HDAC9: variants seen among roughly 807,000 people sequenced by gnomAD.
The protein encoded by HDAC9 is histone deacetylase 9, also known as MEF-2 interacting transcription repressor (MITR) protein.
HDAC9 carries 41 observed loss-of-function variants against 139.4 expected under a neutral mutation model. The observed-to-expected ratio is 0.29, with a 90% confidence interval of 0.23 to 0.38. The LOEUF is 0.38. Among genes scored for constraint, HDAC9 ranks in the 10% least tolerant of loss-of-function variants. The pLI, the probability that HDAC9 is intolerant of heterozygous loss-of-function variation, is 1.00. For synonymous variants in HDAC9, 517 were observed against 476.2 expected (o/e 1.09, Z -1.12); for missense variants, 1,147 against 1,297.0 (o/e 0.88, Z 1.78).
chr7:18,643,699 T>G (rs923582970), intron 8 of HDAC9, among the ~76,000 whole-genome samples: 2 of 152,052 alleles, frequency 1.3e-5, no homozygotes, highest in Admixed American at 1.3e-4. Context: ...TATATTTACT[T>G]TAGTCAAAGC....
rs1585632402 is a variant in HDAC9 at position 18,400,566 on chromosome 7, G to A, written c.-41-95696G>A. 2.0e-5 allele frequency among the ~76,000 whole-genome samples: 3 copies of A among 152,158 alleles called. No homozygotes were observed. The South Asian group carries it at 6.2e-4, about 32-fold the overall frequency. ...GAGGATAGCCGGGAGGTATGAATGG[G>A]AACTTGAAAAGACTGGATGAGGAAG... On this transcript the variant is annotated intron_variant, in intron 1 of 3. Coordinates refer to the HDAC9 transcript ENST00000413509.
At chr7:18,859,840 A>G (rs1424115180) in intron 21 of HDAC9, among the ~76,000 whole-genome samples, 15 of 130,142 alleles carry the variant, frequency 1.2e-4, no homozygotes, top group East Asian at 1.1e-3. Context: ...ATATATATAT[A>G]TATATATATA....
intron 17 of HDAC9, among the ~76,000 whole-genome samples, chr7:18,821,462 C>T (rs558065401): frequency 1.3e-5 from 2 of 152,266 alleles, no homozygotes; most frequent in African/African-American, 4.8e-5. Flanking sequence ...TAGGCAGAGC[C>T]TTGTGGCTGC....
At chr7:18,740,698 C>T (rs914503336) in intron 13 of HDAC9, among the ~76,000 whole-genome samples, 8 of 152,166 alleles carry the variant, frequency 5.3e-5, no homozygotes, top group Non-Finnish European at 8.8e-5. Context: ...CAATCAAAAG[C>T]TAGAAATGAT....
intron 2 of HDAC9, among the ~76,000 whole-genome samples, chr7:18,200,755 G>T (rs1286244354): frequency 6.6e-6 from 1 of 152,074 alleles, no homozygotes; most frequent in Non-Finnish European, 1.5e-5. Context: ...TTTCTCAGAG[G>T]TCTCTTTCAC....
intron 12 of HDAC9, among the ~76,000 whole-genome samples, chr7:18,692,985 C>A (rs1191475388): frequency 6.6e-6 from 1 of 151,732 alleles, no homozygotes; most frequent in South Asian, 2.1e-4. Flanking sequence ...AAAGACTAAG[C>A]TATTTTTTGG....
At chr7:18,885,523 A>T (rs1013449335) in intron 22 of HDAC9, among the ~76,000 whole-genome samples, 5 of 152,128 alleles carry the variant, frequency 3.3e-5, no homozygotes, top group African/African-American at 1.2e-4. Context: ...AACCGTTTAT[A>T]TTTCTAATTT....
chr7:18,889,780 C>G (rs1483537089), intron 22 of HDAC9, among the ~76,000 whole-genome samples: 4 of 152,196 alleles, frequency 2.6e-5, no homozygotes, highest in Non-Finnish European at 5.9e-5. Flanking sequence ...TCATTGCAGC[C>G]TTTAGCTCCT....
chr7:18,375,201 G>A (rs1784896176), intron 1 of HDAC9, among the ~76,000 whole-genome samples: 1 of 152,178 alleles, frequency 6.6e-6, no homozygotes, highest in Non-Finnish European at 1.5e-5. Context: ...TGGGTGAGGC[G>A]GCTCACGCCT....
chr7:18,135,012 A>G (rs1347621884), intron 1 of HDAC9, among the ~76,000 whole-genome samples: 2 of 152,168 alleles, frequency 1.3e-5, no homozygotes, highest in Non-Finnish European at 2.9e-5. Flanking sequence ...AACAGATCTA[A>G]TTTAAATCCT....
At chr7:18,270,968 A>G (rs1796317187) in intron 2 of HDAC9, among the ~76,000 whole-genome samples, 1 of 152,232 alleles carries the variant, frequency 6.6e-6, no homozygotes, top group Non-Finnish European at 1.5e-5. Context: ...AAATAAATTT[A>G]GCATTAAAAT....
intron 14 of HDAC9, among the ~76,000 whole-genome samples, chr7:18,753,974 T>G (rs1788666530): frequency 6.6e-6 from 1 of 152,110 alleles, no homozygotes; most frequent in African/African-American, 2.4e-5. Flanking sequence ...GTAAACATAT[T>G]GCTCTTAGTT....
chr7:18,826,697 A>G (rs1225235383), intron 17 of HDAC9, among the ~76,000 whole-genome samples: 3 of 136,668 alleles, frequency 2.2e-5, no homozygotes, highest in Non-Finnish European at 3.1e-5. Flanking sequence ...CCAACTAATT[A>G]CCTATGAGAT....
chr7:18,352,741 CA>C (rs1351870640), intron 1 of HDAC9, among the ~76,000 whole-genome samples: 3 of 151,964 alleles, frequency 2.0e-5, no homozygotes, highest in Non-Finnish European at 4.4e-5. Flanking sequence ...TCTCGGTGTG[CA>C]AATAAGGAGC....
At position 18,762,435 on chromosome 7, in the gene HDAC9, T is replaced by C. The variant is rs544574671; in HGVS notation, c.2164+158T>C. Among the ~76,000 whole-genome samples, 3 of 152,278 alleles carry C rather than the reference T, an allele frequency of 2.0e-5. No individual in the cohort carries two copies. In the South Asian group the frequency reaches 6.2e-4, roughly 32 times the overall value. ...AGTGAGTCATTTGCAACAGAAGCCA[T>C]TGTAGATTAAGAAAATCCTGCATTA... On this transcript the variant is annotated intron_variant, in intron 15 of 25. Coordinates refer to ENST00000686413, the MANE Select transcript of HDAC9 (RefSeq NM_178425.4).
intron 2 of HDAC9, chr7:18,517,638 A>G (rs894864451): frequency 4.6e-5 from 7 of 152,218 alleles, no homozygotes; most frequent in Admixed American, 1.3e-4. Flanking sequence ...CACTGATTTG[A>G]ACATTTGTCC....
chr7:18,753,656 C>T (rs1026334270), intron 14 of HDAC9, among the ~76,000 whole-genome samples: 1 of 152,102 alleles, frequency 6.6e-6, no homozygotes, highest in Non-Finnish European at 1.5e-5. Flanking sequence ...TGATCCACAA[C>T]TCAAACTTTT....
chr7:18,720,291 T>C (rs1363804587), intron 12 of HDAC9, among the ~76,000 whole-genome samples: 1 of 152,000 alleles, frequency 6.6e-6, no homozygotes, highest in Non-Finnish European at 1.5e-5. Context: ...ATTATTTTCT[T>C]AAAGTTTGCA....
chr7:18,825,671 G>A (rs1046134877), intron 17 of HDAC9, among the ~76,000 whole-genome samples: 5 of 150,154 alleles, frequency 3.3e-5, no homozygotes, highest in African/African-American at 9.8e-5. Context: ...GGAGCTGGAG[G>A]GATTGATGGG....
Sources: gnomAD v4.1 joint callset for allele counts (sites outside exome capture counted in the v4.1 genomes callset) on GRCh38, gnomAD v4.1.1 for gene constraint, MANE v1.5 for transcripts, NCBI Gene and HGNC (gene_info 2026-07-23, HGNC 2026-07-21) for gene names.